Variants in STYX observed in about 807,000 individuals in gnomAD.
STYX encodes the protein serine/threonine/tyrosine interacting protein.
A neutral mutation model predicts 42.7 loss-of-function variants in STYX; 20 were observed. That is an observed-to-expected ratio of 0.47 (90% CI 0.33 to 0.68). The LOEUF (loss-of-function observed/expected upper bound fraction) is 0.68, where lower values mean the gene tolerates loss of function less well. Among genes scored for constraint, STYX ranks in the 30% least tolerant of loss-of-function variants. The pLI is 0.02. For missense variants in STYX, 226 were observed against 268.5 expected, an observed-to-expected ratio of 0.84 and a Z score of 1.11; for synonymous variants, 78 against 81.9, an observed-to-expected ratio of 0.95 and a Z score of 0.26.
intron 9 of STYX, among the ~76,000 whole-genome samples, chr14:52,761,575 T>TG (rs1399700806): frequency 1.4e-5 from 2 of 146,512 alleles, no homozygotes; most frequent in Admixed American, 6.8e-5. Context: ...AGTTTTTTTT[T>TG]TTTTTTTTTT....
intron 3 of STYX, among the ~76,000 whole-genome samples, chr14:52,747,316 G>A (rs1456525180): frequency 6.6e-6 from 1 of 152,114 alleles, no homozygotes; most frequent in Non-Finnish European, 1.5e-5. Flanking sequence ...CCAATACTTT[G>A]CCTATTCAGA....
chr14:52,736,700 A>AT (rs1880967944), intron 1 of STYX, among the ~76,000 whole-genome samples: 2 of 152,204 alleles, frequency 1.3e-5, no homozygotes, highest in Admixed American at 6.5e-5. Flanking sequence ...AGAGTAAGGA[A>AT]TTTTTTAAAA....
chr14:52,756,675 CTTTTTTTTTTTTTTTTTT>C (rs748826005), intron 5 of STYX, 64 bp downstream of exon 5: 1 of 70,416 alleles, frequency 1.4e-5, no homozygotes, highest in Non-Finnish European at 2.6e-5. Context: ...CTTAGTTGTG[CTTTTTTTTTTTTTTTTTT>C]TTTTTTTTTT....
At chr14:52,748,305 T>C (rs1218331570) in intron 3 of STYX, among the ~76,000 whole-genome samples, 1 of 152,192 alleles carries the variant, frequency 6.6e-6, no homozygotes, top group Non-Finnish European at 1.5e-5. Flanking sequence ...CATAGCTCAC[T>C]GTAACCTCAA....
intron 1 of STYX, among the ~76,000 whole-genome samples, chr14:52,735,669 T>A (rs1248940795): frequency 6.6e-6 from 1 of 152,224 alleles, no homozygotes; most frequent in Non-Finnish European, 1.5e-5. Context: ...CAGCATTGTT[T>A]CTTTGACACA....
chr14:52,735,802 C>A (rs913840166), intron 1 of STYX, among the ~76,000 whole-genome samples: 1 of 152,186 alleles, frequency 6.6e-6, no homozygotes, highest in Non-Finnish European at 1.5e-5. Context: ...ATGATTCTGT[C>A]ACCTCTACAA....
intron 8 of STYX, among the ~76,000 whole-genome samples, chr14:52,758,533 C>T (rs557336787): frequency 6.6e-6 from 1 of 152,258 alleles, no homozygotes; most frequent in African/African-American, 2.4e-5. Context: ...GATAACTTTG[C>T]TTAAAAATAT....
chr14:52,768,935 T>C lies in STYX; in HGVS notation c.598+2T>C. On this transcript the variant is annotated splice_donor_variant, in intron 10 of 10. Coordinates refer to ENST00000354586, the MANE Select transcript of STYX (RefSeq NM_145251.4). LOFTEE classifies it high-confidence loss of function. ...TATCTGTTCATTCTGGTACCACAGG[T>C]AAGGATTTTTTTCTTTTTGGAGAAA... 1 of 1,561,778 alleles carries C rather than the reference T, an allele frequency of 6.4e-7. No homozygotes were observed. Among genetic ancestry groups the C allele is most frequent in the Non-Finnish European group, 8.6e-7 (1 of 1,158,680 alleles).
Position 52,771,053 on chromosome 14 carries a change from G to A in STYX, c.619G>A (p.Glu207Lys). Reference sequence around the variant, plus strand: ...TTTAGGCAGTTTGAAGAGAACACATGAAGAAGAGGATGATTTTGGAACCAT... The same window carrying A: ...TTTAGGCAGTTTGAAGAGAACACATAAAGAAGAGGATGATTTTGGAACCAT... ...GTTGSLKRTH[E>K]EEDDFGTMQV... The change falls in exon 11 of 11, where the codon GAA becomes AAA. Residue 207 changes from glutamate to lysine, a missense_variant. Transcript: ENST00000354586. 3.7e-6 allele frequency: 6 copies of A among 1,612,934 alleles called. No homozygotes were observed. The highest frequency in any genetic ancestry group is 5.1e-6 in the Non-Finnish European group (6 of 1,179,152).
chr14:52,764,255 T>C (rs1214231131), intron 9 of STYX, among the ~76,000 whole-genome samples: 2 of 152,174 alleles, frequency 1.3e-5, no homozygotes, highest in Non-Finnish European at 2.9e-5. Flanking sequence ...CCTCCCAAAG[T>C]GCTGGGATTA....
chr14:52,743,507 G>C (rs1328384360), intron 1 of STYX, among the ~76,000 whole-genome samples: 3 of 151,972 alleles, frequency 2.0e-5, no homozygotes, highest in African/African-American at 7.3e-5. Context: ...TGTGAACCCG[G>C]GAGACGGAGC....
At chr14:52,752,191 C>A in intron 4 of STYX, among the ~76,000 whole-genome samples, 1 of 146,422 alleles carries the variant, frequency 6.8e-6, no homozygotes, top group East Asian at 2.0e-4. Context: ...AAAAAAAAAA[C>A]AGCGCTGTGG....
At chr14:52,757,462 T>A in intron 6 of STYX, 107 bp downstream of exon 6, 2 of 1,058,728 alleles carry the variant, frequency 1.9e-6, no homozygotes, top group Non-Finnish European at 2.8e-6. Flanking sequence ...CAATTATATG[T>A]AGTAGCTTAC....
At chr14:52,738,295 A>G (rs893390323) in intron 1 of STYX, among the ~76,000 whole-genome samples, 1 of 152,098 alleles carries the variant, frequency 6.6e-6, no homozygotes, top group Non-Finnish European at 1.5e-5. Flanking sequence ...ACTAGGAATA[A>G]TTTTTCATTC....
chr14:52,750,768 A>C lies in STYX; in HGVS notation c.230A>C (p.Gln77Pro). 6.4e-7 allele frequency: 1 copy of C among 1,573,840 alleles called. No homozygotes were observed. Among genetic ancestry groups the C allele is most frequent in the South Asian group, 1.2e-5 (1 of 84,542 alleles). ...IEANFIKPNFQQLFRYLVLDI... is the reference protein window; with the variant it reads ...IEANFIKPNFPQLFRYLVLDI... ...GCAAACTTTATTAAACCAAACTTTCAGCAGTTATTTAGGTAAGAATTATTG... is the reference window on the plus strand; with the variant it reads ...GCAAACTTTATTAAACCAAACTTTCCGCAGTTATTTAGGTAAGAATTATTG... Residue 77 changes from glutamine (Q) to proline (P), a missense_variant, in exon 4 of 11, where the codon CAG becomes CCG. By Grantham distance (76) the Gln-to-Pro change is moderately conservative (BLOSUM62 -1). Coordinates refer to ENST00000354586, the MANE Select transcript of STYX (RefSeq NM_145251.4).
At chr14:52,749,599 C>T (rs1465104272) in intron 3 of STYX, among the ~76,000 whole-genome samples, 1 of 152,138 alleles carries the variant, frequency 6.6e-6, no homozygotes, top group Non-Finnish European at 1.5e-5. Context: ...TTTACACATA[C>T]TATGTATCAG....
At chr14:52,768,999 C>T (rs765115791) in intron 10 of STYX, 66 bp downstream of exon 10, 8 of 1,169,880 alleles carry the variant, frequency 6.8e-6, no homozygotes, top group Non-Finnish European at 8.6e-6. Flanking sequence ...GAACTTGCTA[C>T]AAGTTACACT....
intron 9 of STYX, among the ~76,000 whole-genome samples, chr14:52,766,994 T>C (rs1329812266): frequency 5.9e-5 from 9 of 152,130 alleles, no homozygotes; most frequent in Non-Finnish European, 1.3e-4. Context: ...CTCACGAAAC[T>C]TATTTAGTGG....
chr14:52,751,886 A>G (rs1027315201), intron 4 of STYX, among the ~76,000 whole-genome samples: 7 of 152,130 alleles, frequency 4.6e-5, no homozygotes. Flanking sequence ...ATTTTAGGCC[A>G]GCACGGTGGC....
Sources: allele counts gnomAD v4.1 joint callset (sites outside exome capture counted in the v4.1 genomes callset), GRCh38; gene constraint gnomAD v4.1.1; transcripts MANE v1.5; gene names NCBI Gene and HGNC (gene_info 2026-07-23, HGNC 2026-07-21).